Variants in ABCG2 observed in about 807,000 individuals in gnomAD.
The protein encoded by ABCG2 is ATP binding cassette subfamily G member 2 (JR blood group), also known as broad substrate specificity ATP-binding cassette transporter ABCG2.
Under a neutral mutation model 73.5 loss-of-function variants are expected in ABCG2, and 80 were observed. That is an observed-to-expected ratio of 1.09 (90% CI 0.91 to 1.31). The LOEUF is 1.31. Among genes scored for constraint, ABCG2 ranks in the 50% most tolerant of loss-of-function variants. The pLI, the probability that ABCG2 is intolerant of heterozygous loss-of-function variation, is 0.00. For synonymous variants in ABCG2, 269 were observed against 282.4 expected, an observed-to-expected ratio of 0.95 and a Z score of 0.48; for missense variants, 796 against 786.2, an observed-to-expected ratio of 1.01 and a Z score of -0.15.
chr4:88,190,766 A>G (rs1459811535), intron 1 of ABCG2, among the ~76,000 whole-genome samples: 1 of 152,198 alleles, frequency 6.6e-6, no homozygotes, highest in East Asian at 1.9e-4. Flanking sequence ...CTTTTTTCCC[A>G]CAAGTAAAAA....
chr4:88,092,404 T>C lies in ABCG2; in HGVS notation c.1821-23A>G, dbSNP rs751187273. ...CATCTGAAATTAAACAGAAAAAGAA[T>C]ATAACTTCATTCCTAGCATCCGTCA... is the stretch of plus-strand genomic sequence containing the variant. On this transcript the variant is annotated intron_variant, in intron 15 of 15. Coordinates refer to ENST00000237612, the MANE Select transcript of ABCG2 (RefSeq NM_004827.3). 9 of 1,601,172 alleles carry C rather than the reference T, an allele frequency of 5.6e-6. No homozygotes were observed. The Admixed American group carries it at 7.0e-5, about 13-fold the overall frequency.
In ABCG2 at chr4:88,131,854, A is replaced by G. The variant is rs1724907876; in HGVS notation, c.327T>C (p.Asn109=). 6.2e-7 allele frequency: 1 copy of G among 1,613,812 alleles called. No homozygotes were observed. Among genetic ancestry groups the G allele is most frequent in the Non-Finnish European group, 8.5e-7 (1 of 1,179,966 alleles). The part of the protein sequence containing the change: ...PSGLSGDVLI[N]GAPRPANFKC... ...TGAAATTGGCAGGTCGCGGTGCTCC[A>G]TTTATCAGAACATCTCCAGATAATC... is the stretch of plus-strand genomic sequence containing the variant. Residue 109 remains asparagine, a synonymous_variant, in exon 4 of 16, where the codon AAT becomes AAC. Coordinates refer to ENST00000237612, the MANE Select transcript of ABCG2 (RefSeq NM_004827.3).
chr4:88,125,361 C>T (rs1215613166), intron 5 of ABCG2, among the ~76,000 whole-genome samples: 1 of 150,472 alleles, frequency 6.6e-6, no homozygotes, highest in African/African-American at 2.4e-5. Context: ...GTAATCCCAG[C>T]ACTTTGGGAG....
At chr4:88,191,794 C>G (rs1728704477) in intron 1 of ABCG2, among the ~76,000 whole-genome samples, 1 of 152,142 alleles carries the variant, frequency 6.6e-6, no homozygotes, top group South Asian at 2.1e-4. Context: ...TAATGAAGTA[C>G]TAATTCATGC....
Position 88,179,843 on chromosome 4 carries a change from G to A in ABCG2, c.-19-39829C>T, listed in dbSNP as rs150993361. Among the ~76,000 whole-genome samples the A allele has an allele frequency of 4.6e-5, 7 of 152,238 alleles. No homozygotes were observed. The East Asian group carries it at 1.4e-3, about 29-fold the overall frequency. ...AGAATTGATCAAGCAGGGAAATAAC[G>A]AGTGAGCTTGAAGACAGGCTATTTG... is the stretch of plus-strand genomic sequence containing the variant. On this transcript the variant is annotated intron_variant, in intron 1 of 15. Transcript: ENST00000515655.
intron 1 of ABCG2, among the ~76,000 whole-genome samples, chr4:88,192,414 C>T (rs1728725886): frequency 6.6e-6 from 1 of 151,902 alleles, no homozygotes; most frequent in African/African-American, 2.4e-5. Flanking sequence ...TTCCTTTTCC[C>T]TTTCTTTTCC....
intron 1 of ABCG2, among the ~76,000 whole-genome samples, chr4:88,140,650 A>T (rs77377473): frequency 1.3e-5 from 2 of 151,806 alleles, no homozygotes; most frequent in Non-Finnish European, 2.9e-5. Context: ...AAGAAACTCT[A>T]TTTTTTTTAA....
chr4:88,181,687 C>T (rs1435313634), intron 1 of ABCG2, among the ~76,000 whole-genome samples: 2 of 152,126 alleles, frequency 1.3e-5, no homozygotes, highest in Admixed American at 6.5e-5. Flanking sequence ...GCTGTGATTA[C>T]ACCACTACAC....
intron 1 of ABCG2, among the ~76,000 whole-genome samples, chr4:88,214,884 A>C (rs1729750791): frequency 6.6e-6 from 1 of 151,938 alleles, no homozygotes; most frequent in South Asian, 2.1e-4. Context: ...TGGCCTCCCA[A>C]AGTGTTGGGA....
chr4:88,099,466 G>C lies in ABCG2; in HGVS notation c.1368-18C>G, dbSNP rs200693229. ...ATTCATGTCTATAGAACAAAAATAC[G>C]TATCATACATCCAAGATTAGTTTAA... On this transcript the variant is annotated intron_variant, in intron 11 of 15. Transcript: ENST00000237612. The C allele has an allele frequency of 6.3e-7, 1 of 1,585,472 alleles. No individual in the cohort carries two copies. The highest frequency in any genetic ancestry group is 8.6e-7 in the Non-Finnish European group (1 of 1,168,486).
intron 1 of ABCG2, among the ~76,000 whole-genome samples, chr4:88,198,669 T>G (rs185839994): frequency 6.6e-6 from 1 of 152,082 alleles, no homozygotes; most frequent in African/African-American, 2.4e-5. Context: ...CTCCAATGGA[T>G]AAAGTAGATG....
chr4:88,132,659 T>C, intron 2 of ABCG2, 24 bp from the exon 3 acceptor site: 1 of 1,613,154 alleles, frequency 6.2e-7, no homozygotes, highest in Non-Finnish European at 8.5e-7. Flanking sequence ...AACAGACTGA[T>C]TTACTATTCC....
rs113611770 is a variant in ABCG2 at position 88,194,666 on chromosome 4, A to C, written c.-20+36328T>G. On this transcript the variant is annotated intron_variant, in intron 1 of 15. Transcript: ENST00000515655. ...TATTTCTTGAACATGAAATAAATAA[A>C]TGTCTATTTTTTTCTTCCACTGTCT... is the stretch of plus-strand genomic sequence containing the variant. Among the ~76,000 whole-genome samples, 1,054 of 151,508 alleles carry C rather than the reference A, an allele frequency of 7.0e-3. 7 individuals are homozygous for C. The highest frequency in any genetic ancestry group is 0.023 in the African/African-American group (942 of 41,298).
intron 1 of ABCG2, among the ~76,000 whole-genome samples, chr4:88,222,736 C>G (rs1032450926): frequency 2.0e-5 from 3 of 152,238 alleles, no homozygotes; most frequent in Non-Finnish European, 4.4e-5. Context: ...GGGGCACCGC[C>G]TAGTGGAGCT....
intron 1 of ABCG2, among the ~76,000 whole-genome samples, chr4:88,193,647 A>C (rs1578268602): frequency 6.6e-6 from 1 of 152,228 alleles, no homozygotes; most frequent in East Asian, 1.9e-4. Context: ...GGCTGATTAG[A>C]AACAAATTTA....
chr4:88,121,430 C>A (rs1341148251), intron 6 of ABCG2, among the ~76,000 whole-genome samples: 1 of 152,102 alleles, frequency 6.6e-6, no homozygotes, highest in Non-Finnish European at 1.5e-5. Flanking sequence ...GCCCAACCCC[C>A]CTACACCCTC....
rs1160996450 is a variant in ABCG2 at position 88,101,244 on chromosome 4, C to T, written c.1353G>A (p.Glu451=). The part of the protein sequence containing the change: ...SVSAVELFVV[E]KKLFIHEYIS... Reference sequence around the variant, plus strand: ...GACCTACTCACATGAAGAGCTTCTTCTCTACCACAAAGAGTTCCACGGCTG... The same window carrying T: ...GACCTACTCACATGAAGAGCTTCTTTTCTACCACAAAGAGTTCCACGGCTG... The change falls in exon 11 of 16, where the codon GAG becomes GAA. Residue 451 remains glutamate (E), a synonymous_variant. Transcript: ENST00000237612. The T allele has an allele frequency of 2.5e-6, 4 of 1,614,002 alleles. No homozygotes were observed. Among genetic ancestry groups the T allele is most frequent in the Non-Finnish European group, 3.4e-6 (4 of 1,180,006 alleles).
chr4:88,180,725 C>T (rs529136105), intron 1 of ABCG2, among the ~76,000 whole-genome samples: 2 of 151,880 alleles, frequency 1.3e-5, no homozygotes, highest in Non-Finnish European at 2.9e-5. Flanking sequence ...TGCACCCTAA[C>T]CTAGCTAACA....
intron 1 of ABCG2, among the ~76,000 whole-genome samples, chr4:88,180,199 A>G (rs1728176405): frequency 6.6e-6 from 1 of 152,204 alleles, no homozygotes; most frequent in African/African-American, 2.4e-5. Context: ...AGTAACATAT[A>G]ATGGAGCTCT....
Sources: gnomAD v4.1 joint callset for allele counts (sites outside exome capture counted in the v4.1 genomes callset) on GRCh38, gnomAD v4.1.1 for gene constraint, MANE v1.5 for transcripts, NCBI Gene and HGNC (gene_info 2026-07-23, HGNC 2026-07-21) for gene names.